TBC1D22A: variants seen among roughly 807,000 people sequenced by gnomAD.
TBC1D22A encodes putative GTPase activator.
In TBC1D22A, 38 loss-of-function variants were observed where a neutral mutation model predicts 60.2. The ratio of observed to expected loss-of-function variants is 0.63; its 90% CI spans 0.49 to 0.83. The LOEUF is 0.83. Among genes scored for constraint, TBC1D22A ranks in the 40% least tolerant of loss-of-function variants. The pLI is 0.00. For missense variants in TBC1D22A, 628 were observed against 701.0 expected, an observed-to-expected ratio of 0.90 and a Z score of 1.18; for synonymous variants, 302 against 281.7, an observed-to-expected ratio of 1.07 and a Z score of -0.72.
At chr22:46,802,850 G>A (rs1243731270) in intron 4 of TBC1D22A, among the ~76,000 whole-genome samples, 1 of 151,550 alleles carries the variant, frequency 6.6e-6, no homozygotes, top group Non-Finnish European at 1.5e-5. Context: ...GGCTGGGGAT[G>A]TGGGTGGGGT....
intron 11 of TBC1D22A, among the ~76,000 whole-genome samples, chr22:47,090,850 T>G (rs2064904663): frequency 8.4e-6 from 1 of 119,678 alleles, no homozygotes; most frequent in Admixed American, 9.0e-5. Flanking sequence ...AGAAGTCGTC[T>G]TTGGGGGGAG....
chr22:47,046,516 A>ACCTGG (rs1213290015), intron 11 of TBC1D22A, among the ~76,000 whole-genome samples: 2 of 152,086 alleles, frequency 1.3e-5, no homozygotes, highest in Non-Finnish European at 2.9e-5. Flanking sequence ...GGTTGCTCAC[A>ACCTGG]CCTGGCCCTG....
chr22:46,821,701 T>C (rs1383518405), intron 4 of TBC1D22A, among the ~76,000 whole-genome samples: 2 of 152,186 alleles, frequency 1.3e-5, no homozygotes, highest in African/African-American at 2.4e-5. Flanking sequence ...GAGAATTTGA[T>C]GATTATGTGT....
intron 6 of TBC1D22A, 131 bp downstream of exon 6, chr22:46,891,525 C>A: frequency 1.1e-6 from 1 of 921,966 alleles, no homozygotes. Context: ...GATTAGCTCA[C>A]AGATTTTTAT....
intron 9 of TBC1D22A, among the ~76,000 whole-genome samples, chr22:46,977,944 G>A (rs1386497793): frequency 1.3e-5 from 2 of 152,202 alleles, no homozygotes; most frequent in Non-Finnish European, 2.9e-5. Context: ...ATGAGATTTG[G>A]GTGGGGACAC....
intron 12 of TBC1D22A, among the ~76,000 whole-genome samples, chr22:47,133,358 C>G (rs751065522): frequency 1.2e-4 from 18 of 152,186 alleles, no homozygotes; most frequent in Non-Finnish European, 2.4e-4. Flanking sequence ...GGGGTGGGGC[C>G]TCTGAAGTAC....
intron 11 of TBC1D22A, among the ~76,000 whole-genome samples, chr22:47,062,087 C>CAAAAAAAAAAAAAAAA (rs908701365): frequency 4.8e-5 from 3 of 62,998 alleles, no homozygotes; most frequent in South Asian, 8.1e-4. Context: ...GACTCCATCT[C>CAAAAAAAAAAAAAAAA]AAAAAAAAAA....
At chr22:46,940,838 A>G (rs141961728) in intron 8 of TBC1D22A, among the ~76,000 whole-genome samples, 57 of 83,670 alleles carry the variant, frequency 6.8e-4, no homozygotes, top group African/African-American at 1.1e-3. Context: ...ATATATATAT[A>G]TATGTATGTA....
chr22:47,073,384 C>A (rs764274230), intron 11 of TBC1D22A, among the ~76,000 whole-genome samples: 24 of 152,146 alleles, frequency 1.6e-4, no homozygotes, highest in Non-Finnish European at 2.8e-4. Context: ...AGCAGCCTTC[C>A]CTGTTTGGAA....
At chr22:46,863,784 C>A (rs2066921288) in intron 4 of TBC1D22A, among the ~76,000 whole-genome samples, 1 of 152,216 alleles carries the variant, frequency 6.6e-6, no homozygotes. Flanking sequence ...CTTCCCTCAG[C>A]CCGGGTTGCA....
At chr22:46,965,252 A>C (rs963951514) in intron 8 of TBC1D22A, among the ~76,000 whole-genome samples, 1 of 152,140 alleles carries the variant, frequency 6.6e-6, no homozygotes, top group African/African-American at 2.4e-5. Flanking sequence ...AAGTGCAAGG[A>C]CACCTTCTCC....
intron 12 of TBC1D22A, among the ~76,000 whole-genome samples, chr22:47,159,995 C>A (rs2067909447): frequency 1.3e-5 from 2 of 152,098 alleles, no homozygotes; most frequent in Admixed American, 1.3e-4. Flanking sequence ...ACACACCCCA[C>A]ACACACACTG....
At chr22:46,879,118 T>C (rs940286860) in intron 5 of TBC1D22A, among the ~76,000 whole-genome samples, 4 of 25,556 alleles carry the variant, frequency 1.6e-4, no homozygotes, top group Non-Finnish European at 3.7e-4. Context: ...TTGACCAAGT[T>C]TTTTTTTTTT....
chr22:46,832,552 A>T (rs2086357001), intron 4 of TBC1D22A, among the ~76,000 whole-genome samples: 1 of 152,188 alleles, frequency 6.6e-6, no homozygotes, highest in Non-Finnish European at 1.5e-5. Flanking sequence ...AGGCTGAGGC[A>T]GGAGAATCGC....
At chr22:47,019,169 G>A (rs2061996950) in intron 10 of TBC1D22A, among the ~76,000 whole-genome samples, 1 of 152,226 alleles carries the variant, frequency 6.6e-6, no homozygotes, top group African/African-American at 2.4e-5. Context: ...CACTTTCCGA[G>A]TGGCCTCCCA....
chr22:46,931,222 T>C (rs142534272), intron 8 of TBC1D22A, among the ~76,000 whole-genome samples: 1,565 of 152,372 alleles, frequency 0.01, 17 homozygotes, highest in Middle Eastern at 0.017. Context: ...AGAGTTCTTA[T>C]TCATTTGAAT....
intron 4 of TBC1D22A, among the ~76,000 whole-genome samples, chr22:46,864,109 A>C (rs1357216009): frequency 6.6e-6 from 1 of 152,288 alleles, no homozygotes; most frequent in Admixed American, 6.5e-5. Flanking sequence ...ATTCCTTCCT[A>C]TTTGTAACCA....
intron 8 of TBC1D22A, chr22:46,913,673 C>T (rs2070130360): frequency 1.0e-6 from 1 of 985,382 alleles, no homozygotes; most frequent in Non-Finnish European, 1.2e-6. Flanking sequence ...GGACCTCTGT[C>T]AGTAGACTTC....
intron 5 of TBC1D22A, among the ~76,000 whole-genome samples, chr22:46,888,423 C>G (rs1009709046): frequency 6.6e-6 from 1 of 152,178 alleles, no homozygotes; most frequent in Non-Finnish European, 1.5e-5. Flanking sequence ...AAGTGCCATC[C>G]GGGATGTATT....
Sources: gnomAD v4.1 joint callset for allele counts (sites outside exome capture counted in the v4.1 genomes callset) on GRCh38, gnomAD v4.1.1 for gene constraint, MANE v1.5 for transcripts, NCBI Gene and HGNC (gene_info 2026-07-23, HGNC 2026-07-21) for gene names.